The following EFNA3 variants were observed in gnomAD, a reference collection of about 807,000 sequenced individuals.
EFNA3 encodes the protein ephrin A3.
EFNA3 carries 15 observed loss-of-function variants against 25.0 expected under a neutral mutation model. The observed-to-expected ratio is 0.60, with a 90% confidence interval of 0.40 to 0.92. The LOEUF (loss-of-function observed/expected upper bound fraction) is 0.92. EFNA3 is among the 40% of genes least tolerant of loss of function. The pLI, the probability that EFNA3 is intolerant of heterozygous loss-of-function variation, is 0.00. For missense variants in EFNA3, 298 were observed against 323.8 expected (o/e 0.92, Z 0.61); for synonymous variants, 153 against 145.6 (o/e 1.05, Z -0.37).
chr1:155,079,216 T>A lies in EFNA3; in HGVS notation c.128+147T>A. 1.0e-6 allele frequency: 1 copy of A among 969,058 alleles called. No individual in the cohort carries two copies. The highest frequency in any genetic ancestry group is 3.3e-5 in the East Asian group (1 of 29,974). The allele number at this position is 969,058 out of a possible 1,614,324, so 60.0% of individuals were successfully genotyped here. A position where few individuals can be genotyped will look rare whatever the true frequency, so the allele number is the denominator to read the frequency against. On this transcript the variant is annotated intron_variant, in intron 1 of 4. Coordinates refer to ENST00000368408, the MANE Select transcript of EFNA3 (RefSeq NM_004952.5). This position sits in a 1 kb window ranked among gnomAD's most constrained non-coding sequence, Gnocchi z 7.7. ...AGGGGACGGAGAGGGGGACGCACTCTGTGGGCGTCTAGGAAACTCGGGGGT... is the reference window on the plus strand; with the variant it reads ...AGGGGACGGAGAGGGGGACGCACTCAGTGGGCGTCTAGGAAACTCGGGGGT...
chr1:155,086,638 C>G lies in EFNA3; in HGVS notation c.*95C>G. 2.0e-6 allele frequency: 3 copies of G among 1,481,026 alleles called. No homozygotes were observed. The highest frequency in any genetic ancestry group is 2.7e-6 in the Non-Finnish European group (3 of 1,098,656). 91.7% of individuals were successfully genotyped at this position (1,481,026 alleles called of 1,614,324 possible). A position where few individuals can be genotyped will look rare whatever the true frequency, so the allele number is the denominator to read the frequency against. ...CCAAGGGAAGCCTAGTGGGCCTAGACCCCTCCTCCCATGGCTAGAAGTGGG... is the reference window on the plus strand; with the variant it reads ...CCAAGGGAAGCCTAGTGGGCCTAGAGCCCTCCTCCCATGGCTAGAAGTGGG... On this transcript the variant is annotated 3_prime_UTR_variant, in exon 5 of 5. Transcript: ENST00000368408.
At position 155,081,241 on chromosome 1, in the gene EFNA3, A is replaced by T. The variant is rs967383333; in HGVS notation, c.128+2172A>T. Among the ~76,000 whole-genome samples, 5 of 152,198 alleles carry T rather than the reference A, an allele frequency of 3.3e-5. No homozygotes were observed. Among genetic ancestry groups the T allele is most frequent in the Non-Finnish European group, 5.9e-5 (4 of 68,030 alleles). ...TCAGTACTTCCATTTAGTCCCGTGGAACAGGAGAGACCTGTTCCCAATCTG... is the reference window on the plus strand; with the variant it reads ...TCAGTACTTCCATTTAGTCCCGTGGTACAGGAGAGACCTGTTCCCAATCTG... On this transcript the variant is annotated intron_variant, in intron 1 of 4. Transcript: ENST00000368408. The surrounding 1 kb of genome is among the most constrained non-coding windows in gnomAD (Gnocchi z 5.2).
Position 155,086,571 on chromosome 1 carries a change from G to A in EFNA3, c.*28G>A. 6 of 1,611,106 alleles carry A rather than the reference G, an allele frequency of 3.7e-6. No individual in the cohort carries two copies. The highest frequency in any genetic ancestry group is 3.4e-6 in the Non-Finnish European group (4 of 1,178,562). ...CTGCCCCCTCCCCTGGGGGGGGAGA[G>A]ATGGGGCGGGGCTTGGAAGGAGCAG... On this transcript the variant is annotated 3_prime_UTR_variant, in exon 5 of 5. Coordinates refer to ENST00000368408, the MANE Select transcript of EFNA3 (RefSeq NM_004952.5).
rs1247030306 is a variant in EFNA3 at position 155,085,790 on chromosome 1, G to A, written c.443-87G>A. On this transcript the variant is annotated intron_variant, in intron 2 of 4. Coordinates refer to ENST00000368408, the MANE Select transcript of EFNA3 (RefSeq NM_004952.5). The surrounding 1 kb of genome is among the most constrained non-coding windows in gnomAD (Gnocchi z 4.4). ...TGAAGGAGACCGCCCGACGGGGACA[G>A]TTTGGAGGGGGTGAGAAATAGAGCC... 4 of 1,517,116 alleles carry A rather than the reference G, an allele frequency of 2.6e-6. No homozygotes were observed. Among genetic ancestry groups the A allele is most frequent in the East Asian group, 2.4e-5 (1 of 41,788 alleles). The allele number at this position is 1,517,116 out of a possible 1,614,324, so 94.0% of individuals were successfully genotyped here. A position where few individuals can be genotyped will look rare whatever the true frequency, so the allele number is the denominator to read the frequency against.
At position 155,085,201 on chromosome 1, in the gene EFNA3, G is replaced by A. The variant is rs201029831; in HGVS notation, c.239G>A (p.Gly80Glu). The change falls in exon 2 of 5, where the codon GGA (glycine) becomes GAA (glutamate). Residue 80 changes from glycine to glutamate, a missense_variant. Transcript: ENST00000368408. This position sits in a 1 kb window ranked among gnomAD's most constrained non-coding sequence, Gnocchi z 4.4. Reference sequence around the variant, plus strand: ...GGCCCCGGGGCGGGACCGGGGCCCGGAGGCGGGGCAGAGCAGTACGTGCTG... The same window carrying A: ...GGCCCCGGGGCGGGACCGGGGCCCGAAGGCGGGGCAGAGCAGTACGTGCTG... ...GVGPGAGPGP[G>E]GGAEQYVLYM... 3.3e-5 allele frequency: 53 copies of A among 1,613,096 alleles called. No individual in the cohort carries two copies. The Admixed American group carries it at 6.2e-4, about 19-fold the overall frequency.
rs571929488 is a variant in EFNA3 at position 155,084,775 on chromosome 1, A to T, written c.129-316A>T. Among the ~76,000 whole-genome samples, 3 of 152,284 alleles carry T rather than the reference A, an allele frequency of 2.0e-5. No individual in the cohort carries two copies. The East Asian group carries it at 5.8e-4, about 29-fold the overall frequency. On this transcript the variant is annotated intron_variant, in intron 1 of 4. Coordinates refer to ENST00000368408, the MANE Select transcript of EFNA3 (RefSeq NM_004952.5). The stretch of plus-strand genomic sequence containing the variant: ...CCTGCGCCGTTTCTGTGGCAACCAA[A>T]GCGTACGTTCCCTTCTTCCCTCCGC...
At chr1:155,083,167 C>T (rs1232279876) in intron 1 of EFNA3, among the ~76,000 whole-genome samples, 1 of 152,212 alleles carries the variant, frequency 6.6e-6, no homozygotes, top group Non-Finnish European at 1.5e-5. Context: ...GGCTTCCTCC[C>T]TGCTGGAATG....
chr1:155,082,352 C>T (rs367876755), intron 1 of EFNA3, among the ~76,000 whole-genome samples: 24 of 152,290 alleles, frequency 1.6e-4, no homozygotes, highest in African/African-American at 5.8e-4. Flanking sequence ...AAGTTCAGGG[C>T]CCCCTGGGAT....
intron 1 of EFNA3, 96 bp from the exon 2 acceptor site, chr1:155,084,995 C>T (rs1157407813): frequency 7.1e-7 from 1 of 1,412,374 alleles, no homozygotes; most frequent in Non-Finnish European, 9.8e-7. Context: ...AGTCGGAAGG[C>T]TACGCGGACC....
chr1:155,086,103 T>TCCCCCCCCCCCCCCCCC, intron 3 of EFNA3, 25 bp from the exon 4 acceptor site: 3 of 1,577,722 alleles, frequency 1.9e-6, no homozygotes, highest in Non-Finnish European at 2.6e-6. Context: ...CCCTCCTCTC[T>TCCCCCCCCCCCCCCCCC]CCCCACCCGC....
Position 155,079,153 on chromosome 1 carries a change from G to A in EFNA3, c.128+84G>A, listed in dbSNP as rs1663292871. The A allele has an allele frequency of 8.0e-7, 1 of 1,255,626 alleles. No homozygotes were observed. Among genetic ancestry groups the A allele is most frequent in the Non-Finnish European group, 1.0e-6 (1 of 987,020 alleles). The allele number at this position is 1,255,626 out of a possible 1,614,324, so 77.8% of individuals were successfully genotyped here. On this transcript the variant is annotated intron_variant, in intron 1 of 4. Transcript: ENST00000368408. This position sits in a 1 kb window ranked among gnomAD's most constrained non-coding sequence, Gnocchi z 7.7. ...GGCCCGAGAAGTCCTGGGGGATCCC[G>A]GGGTGGGAGTCCTGGGAGACCAGAG... is the stretch of plus-strand genomic sequence containing the variant.
Position 155,079,093 on chromosome 1 carries a change from C to T in EFNA3, c.128+24C>T, listed in dbSNP as rs1345317190. Reference sequence around the variant, plus strand: ...CAGTGAGTCGGGGACCCTGGGAGTCCGCGCGTCCCGTCTCAGTGAGAGGGG... The same window carrying T: ...CAGTGAGTCGGGGACCCTGGGAGTCTGCGCGTCCCGTCTCAGTGAGAGGGG... On this transcript the variant is annotated intron_variant, in intron 1 of 4. Transcript: ENST00000368408. The surrounding 1 kb of genome is among the most constrained non-coding windows in gnomAD (Gnocchi z 7.7). The T allele has an allele frequency of 5.4e-6, 7 of 1,303,162 alleles. No homozygotes were observed. Among genetic ancestry groups the T allele is most frequent in the South Asian group, 4.8e-5 (2 of 41,830 alleles). The allele number at this position is 1,303,162 out of a possible 1,614,324, so 80.7% of individuals were successfully genotyped here.
At position 155,086,471 on chromosome 1, in the gene EFNA3, C is replaced by T; in HGVS notation, c.645C>T (p.Thr215=). ...AGCTTGAGAAGAGCATCAGCGGGAC[C>T]AGCCCCAAACGGGAACACCTGCCCC... The part of the protein sequence containing the change: ...VPKLEKSISG[T]SPKREHLPLA... Residue 215 remains threonine, a synonymous_variant, in exon 5 of 5, where the codon ACC becomes ACT. Transcript: ENST00000368408. 1.2e-6 allele frequency: 2 copies of T among 1,614,110 alleles called. No homozygotes were observed. The highest frequency in any genetic ancestry group is 1.7e-6 in the Non-Finnish European group (2 of 1,179,982).
rs574840109 is a variant in EFNA3 at position 155,079,096 on chromosome 1, G to A, written c.128+27G>A. 2.3e-6 allele frequency: 3 copies of A among 1,303,966 alleles called. No individual in the cohort carries two copies. Among genetic ancestry groups the A allele is most frequent in the South Asian group, 4.8e-5 (2 of 41,930 alleles). The allele number at this position is 1,303,966 out of a possible 1,614,324, so 80.8% of individuals were successfully genotyped here. On this transcript the variant is annotated intron_variant, in intron 1 of 4. Transcript: ENST00000368408. This position sits in a 1 kb window ranked among gnomAD's most constrained non-coding sequence, Gnocchi z 7.7. The stretch of plus-strand genomic sequence containing the variant: ...TGAGTCGGGGACCCTGGGAGTCCGC[G>A]CGTCCCGTCTCAGTGAGAGGGGGAG...
At chr1:155,082,197 G>C (rs1281150069) in intron 1 of EFNA3, among the ~76,000 whole-genome samples, 1 of 152,156 alleles carries the variant, frequency 6.6e-6, no homozygotes, top group Admixed American at 6.5e-5. Flanking sequence ...GTCCGGCCTC[G>C]CCTGCTGGAG....
Position 155,080,544 on chromosome 1 carries a change from C to G in EFNA3, c.128+1475C>G, listed in dbSNP as rs1365694586. Among the ~76,000 whole-genome samples the G allele has an allele frequency of 2.0e-5, 3 of 152,178 alleles. No individual in the cohort carries two copies. The highest frequency in any genetic ancestry group is 4.4e-5 in the Non-Finnish European group (3 of 68,008). ...CCCCCAGACTCACACGTCCGCCCCC[C>G]ACCCCGCTAGAGTCTGGCGGGGAAC... On this transcript the variant is annotated intron_variant, in intron 1 of 4. Transcript: ENST00000368408. The surrounding 1 kb of genome is among the most constrained non-coding windows in gnomAD (Gnocchi z 7.0).
Position 155,080,224 on chromosome 1 carries a change from G to C in EFNA3, c.128+1155G>C, listed in dbSNP as rs903075455. Among the ~76,000 whole-genome samples the C allele has an allele frequency of 3.9e-5, 6 of 152,080 alleles. No individual in the cohort carries two copies. On this transcript the variant is annotated intron_variant, in intron 1 of 4. Transcript: ENST00000368408. This position sits in a 1 kb window ranked among gnomAD's most constrained non-coding sequence, Gnocchi z 7.0. ...CGACCGACCAGGGAGCAAATGGCCA[G>C]ACCCCAGGGGAGGGGACCGGGAGGG...
chr1:155,082,559 G>A (rs1663362357), intron 1 of EFNA3, among the ~76,000 whole-genome samples: 1 of 152,220 alleles, frequency 6.6e-6, no homozygotes, highest in South Asian at 2.1e-4. Context: ...CAGAGGCTGT[G>A]AGAGCCAGGA....
At position 155,078,856 on chromosome 1, in the gene EFNA3, A is replaced by C; in HGVS notation, c.-86A>C. On this transcript the variant is annotated 5_prime_UTR_variant, in exon 1 of 5. Transcript: ENST00000368408. ...GGGCGTGGCCTAAGGCTGGGGGCCGACGGCGGCGGCAGCAGGGAGCTGGGA... is the reference window on the plus strand; with the variant it reads ...GGGCGTGGCCTAAGGCTGGGGGCCGCCGGCGGCGGCAGCAGGGAGCTGGGA... 7.7e-7 allele frequency: 1 copy of C among 1,296,936 alleles called. No individual in the cohort carries two copies. The highest frequency in any genetic ancestry group is 9.8e-7 in the Non-Finnish European group (1 of 1,024,318). 80.3% of individuals were successfully genotyped at this position (1,296,936 alleles called of 1,614,324 possible).
Sources: allele counts gnomAD v4.1 joint callset (sites outside exome capture counted in the v4.1 genomes callset), GRCh38; gene constraint gnomAD v4.1.1; non-coding constraint Gnocchi (gnomAD v3.1); transcripts MANE v1.5; gene names NCBI Gene and HGNC (gene_info 2026-07-23, HGNC 2026-07-21).